Variants in RTBDN observed in about 807,000 individuals in gnomAD.
The protein encoded by RTBDN is retbindin.
RTBDN carries 24 observed loss-of-function variants against 21.9 expected under a neutral mutation model. The observed-to-expected ratio is 1.10, with a 90% CI of 0.79 to 1.54. RTBDN has a LOEUF of 1.54. Among genes scored for constraint, RTBDN ranks in the 40% most tolerant of loss-of-function variants. RTBDN has a pLI of 0.00. For synonymous variants in RTBDN, 141 were observed against 125.9 expected, an observed-to-expected ratio of 1.12 and a Z score of -0.80; for missense variants, 325 against 315.2, an observed-to-expected ratio of 1.03 and a Z score of -0.23.
intron 5 of RTBDN, chr19:12,826,395 A>C: frequency 7.9e-7 from 1 of 1,273,512 alleles, no homozygotes; most frequent in South Asian, 1.3e-5. Context: ...AGACACGGTA[A>C]GAAAGAACTT....
chr19:12,826,365 C>A, intron 5 of RTBDN: 1 of 1,267,948 alleles, frequency 7.9e-7, no homozygotes, highest in Non-Finnish European at 1.0e-6. Context: ...TGGGGAGTAC[C>A]AATCCGGTCT....
In RTBDN at chr19:12,830,297, G is replaced by A; in HGVS notation, c.-18-300C>T. ...GATCTCCCACCTTTTTAGTCTTCAAGAGACCCCTTCTTTTCTCAGAATGAA... is the reference window on the plus strand; with the variant it reads ...GATCTCCCACCTTTTTAGTCTTCAAAAGACCCCTTCTTTTCTCAGAATGAA... On this transcript the variant is annotated intron_variant, in intron 1 of 5. Transcript: ENST00000674343. This position sits in a 1 kb window ranked among gnomAD's most constrained non-coding sequence, Gnocchi z 4.2. The A allele has an allele frequency of 8.9e-7, 1 of 1,128,052 alleles. No individual in the cohort carries two copies. The highest frequency in any genetic ancestry group is 1.1e-6 in the Non-Finnish European group (1 of 919,982). 69.9% of individuals were successfully genotyped at this position (1,128,052 alleles called of 1,614,324 possible). A position where few individuals can be genotyped will look rare whatever the true frequency, so the allele number is the denominator to read the frequency against.
upstream of RTBDN, chr19:12,835,023 GCCCAGACTCAGGCTCCATC>G: frequency 6.3e-7 from 1 of 1,592,836 alleles, no homozygotes; most frequent in Non-Finnish European, 8.6e-7. Context: ...CCGAGAATGG[GCCCAGACTCAGGCTCCATC>G]CCCAGCCTGA....
At chr19:12,835,023 G>T (rs1448771456), upstream of RTBDN, 2 of 1,592,716 alleles carry the variant, frequency 1.3e-6, no homozygotes, top group African/African-American at 1.3e-5. Flanking sequence ...CCGAGAATGG[G>T]CCCAGACTCA....
Position 12,826,819 on chromosome 19 carries a change from A to G in RTBDN, c.418T>C (p.Ser140Pro), listed in dbSNP as rs1246282929. The G allele has an allele frequency of 5.1e-6, 8 of 1,555,332 alleles. No homozygotes were observed. The highest frequency in any genetic ancestry group is 7.0e-6 in the Non-Finnish European group (8 of 1,149,858). The stretch of plus-strand genomic sequence containing the variant: ...CTGGGCTCACAGCCCCTTTTTTCTG[A>G]GAGTGGGAGCCAAGTCGGGCCGCAG... ...ITCGPTWLPL[S>P]EKRGCEPSCL... The change falls in exon 5 of 6, where the codon TCA becomes CCA. Residue 140 changes from serine to proline, a missense_variant. Transcript: ENST00000674343.
intron 4 of RTBDN, among the ~76,000 whole-genome samples, chr19:12,827,102 C>T (rs1969339344): frequency 6.6e-6 from 1 of 152,104 alleles, no homozygotes; most frequent in Non-Finnish European, 1.5e-5. Flanking sequence ...TCCCTACAGA[C>T]CTCAGACCAT....
intron 5 of RTBDN, 69 bp from the exon 6 acceptor site, chr19:12,826,002 G>C: frequency 6.8e-7 from 1 of 1,464,724 alleles, no homozygotes; most frequent in South Asian, 1.4e-5. Flanking sequence ...GCCTCGGGAA[G>C]GGAAAAATGT....
chr19:12,825,689 T>G lies in RTBDN; in HGVS notation c.*17A>C, dbSNP rs776047538. Reference sequence around the variant, plus strand: ...CTGGGGGAAGGGTCGCTCCCCCAACTCAGGGCCACGCGTCCGCTAGGGGCC... The same window carrying G: ...CTGGGGGAAGGGTCGCTCCCCCAACGCAGGGCCACGCGTCCGCTAGGGGCC... On this transcript the variant is annotated 3_prime_UTR_variant, in exon 6 of 6. Transcript: ENST00000674343. The G allele has an allele frequency of 4.3e-5, 67 of 1,551,264 alleles. No individual in the cohort carries two copies. Among genetic ancestry groups the G allele is most frequent in the Non-Finnish European group, 5.3e-5 (61 of 1,148,850 alleles).
rs540047027 is a variant in RTBDN, at chr19:12,826,774, C to A, written c.462+1G>T. The A allele has an allele frequency of 9.1e-6, 14 of 1,545,020 alleles. No homozygotes were observed. The East Asian group carries it at 3.2e-4, about 35-fold the overall frequency. ...CCCTTCACCTTCTGCCCCACGCTCA[C>A]CTGTCCATAGGTAAGGCAGCTGGGC... On this transcript the variant is annotated splice_donor_variant, in intron 5 of 5. Coordinates refer to ENST00000674343, the MANE Select transcript of RTBDN (RefSeq NM_001270441.2). LOFTEE classifies it high-confidence loss of function.
chr19:12,828,813 AG>A, intron 3 of RTBDN, 46 bp from the exon 4 acceptor site: 1 of 1,613,436 alleles, frequency 6.2e-7, no homozygotes, highest in East Asian at 2.2e-5. Context: ...GACCCGAGGG[AG>A]TTCCTGGGCA....
At chr19:12,834,938 C>T, upstream of RTBDN, 5 of 1,538,720 alleles carry the variant, frequency 3.2e-6, no homozygotes, top group Non-Finnish European at 4.5e-6. This position sits in a 1 kb window ranked among gnomAD's most constrained non-coding sequence, Gnocchi z 4.7. Flanking sequence ...GCCCCAAGGC[C>T]CTGCCTGGGG....
At position 12,828,794 on chromosome 19, in the gene RTBDN, A is replaced by T. The variant is rs760010756; in HGVS notation, c.255-27T>A. 2.5e-6 allele frequency: 4 copies of T among 1,613,584 alleles called. No homozygotes were observed. In the African/African-American group the frequency reaches 5.3e-5, roughly 22 times the overall value. On this transcript the variant is annotated intron_variant, in intron 3 of 5. Transcript: ENST00000674343. Reference sequence around the variant, plus strand: ...TGGACGTTGGGAGAGATAGGGTCGGATGGGTCAGGACCCGAGGGAGTTCCT... The same window carrying T: ...TGGACGTTGGGAGAGATAGGGTCGGTTGGGTCAGGACCCGAGGGAGTTCCT...
chr19:12,828,619 A>C, intron 4 of RTBDN, 38 bp downstream of exon 4: 1 of 1,522,178 alleles, frequency 6.6e-7, no homozygotes, highest in East Asian at 2.3e-5. Context: ...TTCCCCGCCC[A>C]AGTCACAACC....
chr19:12,828,657 C>G lies in RTBDN; in HGVS notation c.365G>C (p.Trp122Ser). 6.2e-7 allele frequency: 1 copy of G among 1,611,430 alleles called. No individual in the cohort carries two copies. The highest frequency in any genetic ancestry group is 8.5e-7 in the Non-Finnish European group (1 of 1,178,472). The stretch of plus-strand genomic sequence containing the variant: ...CGCCCCTTGCCCCCGCGTCTCCTAC[C>G]AGGCCTGGCAGAGCTCCTCGCAGAG... ...QPLCEELCQA[W>S]FANCEDDITC... Residue 122 changes from tryptophan to serine, a missense_variant and splice_region_variant, in exon 4 of 6, where the codon TGG becomes TCG. By Grantham distance (177) the Trp-to-Ser change is radical. Transcript: ENST00000674343.
chr19:12,832,189 A>T (rs1969599170), intron 1 of RTBDN, among the ~76,000 whole-genome samples: 1 of 152,152 alleles, frequency 6.6e-6, no homozygotes, highest in Non-Finnish European at 1.5e-5. Context: ...GTGTTTACTG[A>T]ATATGTGACT....
At chr19:12,826,153 G>C in intron 5 of RTBDN, 1 of 1,380,470 alleles carries the variant, frequency 7.2e-7, no homozygotes, top group Non-Finnish European at 9.3e-7. Context: ...TGGGGCAGTT[G>C]GGGGGCGCGC....
In RTBDN at chr19:12,825,927, C is replaced by A; in HGVS notation, c.469G>T (p.Ala157Ser). The part of the protein sequence containing the change: ...PSCLTYGQTF[A>S]DGTDLCRSAL... ...GAGCGACAAAGGTCCGTCCCGTCTG[C>A]GAAGGTCTAGGAAAAAGTGGAGTTA... Residue 157 changes from alanine to serine, a missense_variant, in exon 6 of 6, where the codon GCA becomes TCA. By Grantham distance (99) the Ala-to-Ser change is moderately conservative. Transcript: ENST00000674343. 1 of 1,582,670 alleles carries A rather than the reference C, an allele frequency of 6.3e-7. No individual in the cohort carries two copies. The highest frequency in any genetic ancestry group is 8.6e-7 in the Non-Finnish European group (1 of 1,161,586).
chr19:12,832,235 G>A (rs887819119), intron 1 of RTBDN, among the ~76,000 whole-genome samples: 3 of 152,148 alleles, frequency 2.0e-5, no homozygotes, highest in African/African-American at 7.2e-5. Context: ...CAGGGCAAGA[G>A]AGGCTTTTGT....
In RTBDN at chr19:12,830,001, G is replaced by A; in HGVS notation, c.-18-4C>T. ...CCATGTCCACCTGAGATAAGAGCTG[G>A]CAGGCATAGGGTGGGGTTCAGCCAT... is the stretch of plus-strand genomic sequence containing the variant. On this transcript the variant is annotated splice_region_variant and splice_polypyrimidine_tract_variant and intron_variant, in intron 1 of 5. Transcript: ENST00000674343. The surrounding 1 kb of genome is among the most constrained non-coding windows in gnomAD (Gnocchi z 4.2). The A allele has an allele frequency of 6.3e-7, 1 of 1,599,384 alleles. No individual in the cohort carries two copies.
Sources: allele counts gnomAD v4.1 joint callset (sites outside exome capture counted in the v4.1 genomes callset), GRCh38; gene constraint gnomAD v4.1.1; non-coding constraint Gnocchi (gnomAD v3.1); transcripts MANE v1.5; gene names NCBI Gene and HGNC (gene_info 2026-07-23, HGNC 2026-07-21).